PDE5A: variants seen among roughly 807,000 people sequenced by gnomAD.
The protein encoded by PDE5A is phosphodiesterase 5A.
A neutral mutation model predicts 110.2 loss-of-function variants in PDE5A; 67 were observed. The ratio of observed to expected loss-of-function variants is 0.61; its 90% CI spans 0.50 to 0.75. The LOEUF (loss-of-function observed/expected upper bound fraction) is 0.75. Ranked by LOEUF, PDE5A falls within the 30% of genes least tolerant of loss-of-function variation. The probability of loss-of-function intolerance (pLI) is 0.00; values close to 1 mark genes in which losing one functional copy is unlikely to be tolerated. For missense variants in PDE5A, 862 were observed against 1,045.1 expected, an observed-to-expected ratio of 0.82 and a Z score of 2.42; for synonymous variants, 328 against 351.2, an observed-to-expected ratio of 0.93 and a Z score of 0.74.
intron 3 of PDE5A, among the ~76,000 whole-genome samples, chr4:119,593,140 G>C (rs2110533419): frequency 6.6e-6 from 1 of 152,284 alleles, no homozygotes. Context: ...ATGAAATATG[G>C]TACAGCTACT....
intron 1 of PDE5A, among the ~76,000 whole-genome samples, chr4:119,625,229 C>G (rs543339825): frequency 6.6e-6 from 1 of 152,114 alleles, no homozygotes; most frequent in Non-Finnish European, 1.5e-5. Context: ...GAACTCCTGA[C>G]GTCGTGATCT....
chr4:119,553,265 A>G (rs1222491106), intron 8 of PDE5A, among the ~76,000 whole-genome samples: 2 of 152,146 alleles, frequency 1.3e-5, no homozygotes, highest in African/African-American at 4.8e-5. Context: ...GCTACTCACT[A>G]TGACAGATTA....
chr4:119,608,753 T>C (rs1204794944), intron 1 of PDE5A, among the ~76,000 whole-genome samples: 1 of 152,212 alleles, frequency 6.6e-6, no homozygotes, highest in African/African-American at 2.4e-5. Flanking sequence ...TACAATGACA[T>C]AATTGACTGT....
intron 10 of PDE5A, among the ~76,000 whole-genome samples, chr4:119,540,058 T>A (rs551111850): frequency 1.1e-4 from 16 of 152,254 alleles, no homozygotes; most frequent in African/African-American, 2.6e-4. Context: ...GGATTTTTTT[T>A]AAACATTCTT....
At chr4:119,595,891 T>A (rs753928058) in intron 3 of PDE5A, among the ~76,000 whole-genome samples, 5 of 152,198 alleles carry the variant, frequency 3.3e-5, no homozygotes, top group Admixed American at 6.6e-5. Flanking sequence ...ACTTCTCCAG[T>A]TGGTTGTAAT....
At position 119,606,696 on chromosome 4, in the gene PDE5A, C is replaced by A; in HGVS notation, c.741+13G>T. The A allele has an allele frequency of 6.3e-7, 1 of 1,599,450 alleles. No individual in the cohort carries two copies. The highest frequency in any genetic ancestry group is 8.6e-7 in the Non-Finnish European group (1 of 1,167,588). On this transcript the variant is annotated intron_variant, in intron 2 of 20. Coordinates refer to ENST00000354960, the MANE Select transcript of PDE5A (RefSeq NM_001083.4). ...CCCCAGCACTGGTCCTGCTCTCATG[C>A]TCCCCTGTTTACCTCATATGCATCT...
At chr4:119,500,294 T>C (rs1238873841) in intron 20 of PDE5A, 11 of 151,316 alleles carry the variant, frequency 7.3e-5, no homozygotes, top group Non-Finnish European at 1.5e-4. Context: ...ATGGTTCTTT[T>C]GGTATCTCTC....
chr4:119,516,005 C>T (rs1310204804), intron 14 of PDE5A, among the ~76,000 whole-genome samples: 3 of 152,124 alleles, frequency 2.0e-5, no homozygotes, highest in African/African-American at 7.2e-5. Flanking sequence ...CTTTTTCATT[C>T]CTAATCAGTG....
intron 20 of PDE5A, chr4:119,499,748 G>T (rs1428585440): frequency 1.3e-5 from 2 of 152,014 alleles, no homozygotes; most frequent in Admixed American, 6.6e-5. Context: ...GTAGGGATGG[G>T]GTTTCACCAT....
intron 11 of PDE5A, among the ~76,000 whole-genome samples, chr4:119,534,638 G>T (rs998886634): frequency 2.5e-4 from 38 of 152,120 alleles, no homozygotes; most frequent in African/African-American, 8.0e-4. Context: ...TATCAAGATA[G>T]TCGGGCCAAT....
At chr4:119,599,464 G>T (rs1729265282) in intron 2 of PDE5A, among the ~76,000 whole-genome samples, 1 of 151,970 alleles carries the variant, frequency 6.6e-6, no homozygotes. Flanking sequence ...TCTTTGCAGA[G>T]ATAGGAATCT....
intron 9 of PDE5A, among the ~76,000 whole-genome samples, chr4:119,547,418 T>G (rs1727171015): frequency 6.6e-6 from 1 of 151,912 alleles, no homozygotes; most frequent in Admixed American, 6.6e-5. Flanking sequence ...ATAAGTTTAT[T>G]TTTTCAATTT....
intron 13 of PDE5A, 162 bp from the exon 14 acceptor site, chr4:119,519,301 ATTAG>A: frequency 1.8e-6 from 1 of 549,964 alleles, no homozygotes; most frequent in Non-Finnish European, 3.3e-6. Context: ...TCTTCAGGGA[ATTAG>A]TTGTCCTTTG....
chr4:119,521,205 G>A (rs1726116244), intron 12 of PDE5A, 145 bp from the exon 13 acceptor site: 2 of 858,548 alleles, frequency 2.3e-6, no homozygotes, highest in South Asian at 2.0e-5. Context: ...CACTCAGAGA[G>A]GTAACTTGCT....
chr4:119,527,646 T>C (rs886484677), intron 11 of PDE5A, among the ~76,000 whole-genome samples: 3 of 152,192 alleles, frequency 2.0e-5, no homozygotes, highest in Admixed American at 1.3e-4. Flanking sequence ...ATTTCTGGCA[T>C]AGGATGTATA....
At chr4:119,592,241 G>C (rs903251516) in intron 3 of PDE5A, among the ~76,000 whole-genome samples, 1 of 149,346 alleles carries the variant, frequency 6.7e-6, no homozygotes, top group African/African-American at 2.5e-5. Flanking sequence ...GGATCACAAG[G>C]TCAGGAGATC....
intron 11 of PDE5A, among the ~76,000 whole-genome samples, chr4:119,538,364 CAGG>C (rs2110483761): frequency 6.6e-6 from 1 of 152,220 alleles, no homozygotes; most frequent in East Asian, 1.9e-4. Context: ...CATTTAAACA[CAGG>C]AGGACAACCT....
chr4:119,515,400 C>G (rs960103947), intron 14 of PDE5A, among the ~76,000 whole-genome samples: 3 of 152,148 alleles, frequency 2.0e-5, no homozygotes, highest in African/African-American at 7.2e-5. Context: ...CAAGTTCTCC[C>G]AGGACAAATA....
chr4:119,502,746 A>G (rs989162817), intron 18 of PDE5A, 91 bp from the exon 19 acceptor site: 11 of 778,818 alleles, frequency 1.4e-5, no homozygotes, highest in Non-Finnish European at 2.2e-5. Flanking sequence ...TAGGAGCTGT[A>G]TATCTCCATT....
Sources: allele counts gnomAD v4.1 joint callset (sites outside exome capture counted in the v4.1 genomes callset), GRCh38; gene constraint gnomAD v4.1.1; transcripts MANE v1.5; gene names NCBI Gene and HGNC (gene_info 2026-07-23, HGNC 2026-07-21).